The following ANKRD12 variants were observed in gnomAD, a reference collection of about 807,000 sequenced individuals.
The protein encoded by ANKRD12 is ankyrin repeat domain 12.
A neutral mutation model predicts 183.4 loss-of-function variants in ANKRD12; 85 were observed. The ratio of observed to expected loss-of-function variants is 0.46; its 90% CI spans 0.39 to 0.56. ANKRD12 has a LOEUF of 0.56. ANKRD12 is among the 20% of genes least tolerant of loss of function. The pLI is 0.00. For missense variants in ANKRD12, 2,405 were observed against 2,357.1 expected (o/e 1.02, Z -0.42); for synonymous variants, 914 against 800.2 (o/e 1.14, Z -2.40).
At chr18:9,154,659 A>G (rs973348926) in intron 1 of ANKRD12, among the ~76,000 whole-genome samples, 1 of 152,098 alleles carries the variant, frequency 6.6e-6, no homozygotes, top group Non-Finnish European at 1.5e-5. Context: ...GATATTTGGG[A>G]AGTGTTTGCA....
intron 10 of ANKRD12, 31 bp downstream of exon 10, chr18:9,263,919 A>G: frequency 7.5e-7 from 1 of 1,330,460 alleles, no homozygotes; most frequent in Non-Finnish European, 1.0e-6. Flanking sequence ...CACTTATGCT[A>G]AAAATAACTG....
At position 9,195,649 on chromosome 18, in the gene ANKRD12, T is replaced by A; in HGVS notation, c.186T>A (p.Leu62=). Reference sequence around the variant, plus strand: ...AGAAATCATCCATGAAACGTAAACTTCCTTTTACTATTAGCCCATCAAGAA... The same window carrying A: ...AGAAATCATCCATGAAACGTAAACTACCTTTTACTATTAGCCCATCAAGAA... The part of the protein sequence containing the change: ...MKEKSSMKRK[L]PFTISPSRNE... Residue 62 remains leucine (L), a synonymous_variant, in exon 3 of 13, where the codon CTT becomes CTA. Coordinates refer to ENST00000262126, the MANE Select transcript of ANKRD12 (RefSeq NM_015208.5). 1.9e-6 allele frequency: 3 copies of A among 1,612,898 alleles called. No homozygotes were observed. The highest frequency in any genetic ancestry group is 2.5e-6 in the Non-Finnish European group (3 of 1,179,456).
In ANKRD12 at chr18:9,232,491, G is replaced by A. The variant is rs547417726; in HGVS notation, c.943+10492G>A. Among the ~76,000 whole-genome samples the A allele has an allele frequency of 1.2e-4, 18 of 152,274 alleles. No individual in the cohort carries two copies. The South Asian group carries it at 3.7e-3, about 32-fold the overall frequency. On this transcript the variant is annotated intron_variant, in intron 8 of 12. Transcript: ENST00000262126. ...CTGAGAAGTCTGCTGTTAGTCTGAT[G>A]GTGGTGGGGGGAGGCCTCTCTGTAG... is the stretch of plus-strand genomic sequence containing the variant.
At chr18:9,195,125 C>T (rs1178550170) in intron 2 of ANKRD12, among the ~76,000 whole-genome samples, 1 of 152,084 alleles carries the variant, frequency 6.6e-6, no homozygotes, top group Admixed American at 6.6e-5. Context: ...TAAGTGGGAG[C>T]TAAACATTGA....
At chr18:9,213,989 A>G (rs1302695352) in intron 6 of ANKRD12, among the ~76,000 whole-genome samples, 4 of 152,038 alleles carry the variant, frequency 2.6e-5, no homozygotes, top group Non-Finnish European at 5.9e-5. Flanking sequence ...TTAAATATTT[A>G]ATACTTTTGT....
intron 3 of ANKRD12, among the ~76,000 whole-genome samples, chr18:9,197,625 ATAT>A (rs1206636169): frequency 1.3e-5 from 2 of 152,114 alleles, no homozygotes; most frequent in Non-Finnish European, 2.9e-5. Context: ...ATGACGTGTT[ATAT>A]TATTATATAC....
At chr18:9,167,574 T>C (rs1268818579) in intron 1 of ANKRD12, among the ~76,000 whole-genome samples, 2 of 152,226 alleles carry the variant, frequency 1.3e-5, no homozygotes, top group African/African-American at 4.8e-5. Context: ...TTTTGTATCC[T>C]GAGACTTTGC....
chr18:9,256,086 A>G lies in ANKRD12; in HGVS notation c.2819A>G (p.Asn940Ser), dbSNP rs371280033. The change falls in exon 9 of 13, where the codon AAT (asparagine) becomes AGT (serine). Residue 940 changes from asparagine to serine, a missense_variant. Asn to Ser is a conservative substitution (Grantham distance 46). Around this residue, in one of 7 missense-constraint regions of ANKRD12, gnomAD observed 1,983 missense variants for 1,725.9 expected, o/e 1.15. Transcript: ENST00000262126. Reference protein sequence around the residue: ...LMEKKNKQSDNSEYSKSEKGK... With the variant: ...LMEKKNKQSDSSEYSKSEKGK... Reference sequence around the variant, plus strand: ...GAGAAAAAAAATAAACAATCAGATAATAGTGAATACAGTAAATCAGAAAAA... The same window carrying G: ...GAGAAAAAAAATAAACAATCAGATAGTAGTGAATACAGTAAATCAGAAAAA... The G allele has an allele frequency of 2.2e-5, 34 of 1,566,324 alleles. No homozygotes were observed. Among genetic ancestry groups the G allele is most frequent in the Non-Finnish European group, 2.8e-5 (32 of 1,162,760 alleles).
chr18:9,140,219 A>C (rs1000339791), intron 1 of ANKRD12, among the ~76,000 whole-genome samples: 2 of 152,240 alleles, frequency 1.3e-5, no homozygotes, highest in Non-Finnish European at 2.9e-5. Flanking sequence ...CACATTGTAC[A>C]CTGTAAACTT....
intron 10 of ANKRD12, among the ~76,000 whole-genome samples, chr18:9,272,799 GA>G (rs1424776207): frequency 1.3e-5 from 2 of 152,168 alleles, no homozygotes; most frequent in Admixed American, 1.3e-4. Context: ...TGTCATATAA[GA>G]ATTAAGTTAA....
chr18:9,152,179 T>C (rs1394327127), intron 1 of ANKRD12, among the ~76,000 whole-genome samples: 2 of 152,194 alleles, frequency 1.3e-5, no homozygotes. Flanking sequence ...TTTTCAAATA[T>C]GGAAAAGCTA....
At chr18:9,202,460 T>C (rs1406706569) in intron 3 of ANKRD12, among the ~76,000 whole-genome samples, 1 of 152,226 alleles carries the variant, frequency 6.6e-6, no homozygotes, top group East Asian at 1.9e-4. Context: ...ATGGCAGTTA[T>C]TCATGATAGA....
intron 7 of ANKRD12, among the ~76,000 whole-genome samples, chr18:9,221,059 C>T (rs1458669725): frequency 5.3e-5 from 8 of 151,984 alleles, no homozygotes; most frequent in East Asian, 1.9e-4. Context: ...TTGTTTTGTC[C>T]GTGTTTCATT....
At chr18:9,250,379 C>G (rs1043764356) in intron 8 of ANKRD12, among the ~76,000 whole-genome samples, 2 of 151,940 alleles carry the variant, frequency 1.3e-5, no homozygotes, top group African/African-American at 2.4e-5. Flanking sequence ...ATGATGAGAC[C>G]CTGAGCTGAG....
At chr18:9,235,551 A>G (rs986467090) in intron 8 of ANKRD12, 1 of 448,172 alleles carries the variant, frequency 2.2e-6, no homozygotes, top group Non-Finnish European at 4.5e-6. Flanking sequence ...AGAATATACT[A>G]TATACTTGCA....
intron 6 of ANKRD12, among the ~76,000 whole-genome samples, chr18:9,213,070 T>C (rs972039321): frequency 1.3e-5 from 2 of 151,962 alleles, no homozygotes; most frequent in African/African-American, 4.8e-5. Flanking sequence ...TCATCTTTTA[T>C]GTATCATATC....
rs904128319 is a variant in ANKRD12, at chr18:9,284,823, A to G, written c.*3697A>G. On this transcript the variant is annotated 3_prime_UTR_variant, in exon 13 of 13. Coordinates refer to ENST00000262126, the MANE Select transcript of ANKRD12 (RefSeq NM_015208.5). The stretch of plus-strand genomic sequence containing the variant: ...CATAAAAATAGCAAAAAGTACAACT[A>G]AAAAAATGGTTGGGTTTTCCCAGTG... 8 of 152,342 alleles carry G rather than the reference A, an allele frequency of 5.3e-5. No individual in the cohort carries two copies. Among genetic ancestry groups the G allele is most frequent in the South Asian group, 2.1e-4 (1 of 4,826 alleles). 9.4% of individuals were successfully genotyped at this position (152,342 alleles called of 1,614,324 possible).
rs534596289 is a variant in ANKRD12, at chr18:9,145,584, A to G, written c.-52+8619A>G. Among the ~76,000 whole-genome samples the G allele has an allele frequency of 2.5e-3, 380 of 152,304 alleles. 1 individual carries two copies. The highest frequency in any genetic ancestry group is 8.7e-3 in the African/African-American group (361 of 41,564). On this transcript the variant is annotated intron_variant, in intron 1 of 12. Transcript: ENST00000262126. ...ATTCTGTCTTGTTCTCTATTCCATCACGTTGTAAATGGTTAGCATATGTTT... is the reference window on the plus strand; with the variant it reads ...ATTCTGTCTTGTTCTCTATTCCATCGCGTTGTAAATGGTTAGCATATGTTT...
rs1184411434 is a variant in ANKRD12, at chr18:9,256,902, C to T, written c.3635C>T (p.Ser1212Leu). The T allele has an allele frequency of 1.9e-6, 3 of 1,613,972 alleles. No homozygotes were observed. The highest frequency in any genetic ancestry group is 2.5e-6 in the Non-Finnish European group (3 of 1,179,954). ...RSVSMISVAS[S>L]EDSCHTTVTT... Reference sequence around the variant, plus strand: ...GTATCCATGATTTCTGTTGCTAGTTCAGAAGATTCCTGCCATACTACAGTG... The same window carrying T: ...GTATCCATGATTTCTGTTGCTAGTTTAGAAGATTCCTGCCATACTACAGTG... Residue 1212 changes from serine to leucine, a missense_variant, in exon 9 of 13, where the codon TCA (serine) becomes TTA (leucine). Physicochemically the swap from Ser to Leu is moderately radical, Grantham distance 145. Around this residue, in one of 7 missense-constraint regions of ANKRD12, gnomAD observed 1,983 missense variants for 1,725.9 expected, o/e 1.15. Transcript: ENST00000262126.
Sources: allele counts gnomAD v4.1 joint callset (sites outside exome capture counted in the v4.1 genomes callset), GRCh38; gene constraint gnomAD v4.1.1; regional missense constraint gnomAD v4.1.1; transcripts MANE v1.5; gene names NCBI Gene and HGNC (gene_info 2026-07-23, HGNC 2026-07-21).